AHNAK: variants seen among roughly 807,000 people sequenced by gnomAD.
The protein encoded by AHNAK is neuroblast differentiation-associated protein AHNAK.
Under a neutral mutation model 37.8 loss-of-function variants are expected in AHNAK, and 23 were observed. The ratio of observed to expected loss-of-function variants is 0.61; its 90% CI spans 0.44 to 0.86. AHNAK has a LOEUF of 0.86. Among genes scored for constraint, AHNAK ranks in the 40% least tolerant of loss-of-function variants. The probability of loss-of-function intolerance (pLI) is 0.00; values close to 1 mark genes in which losing one functional copy is unlikely to be tolerated. For synonymous variants in AHNAK, 2,481 were observed against 2,636.3 expected (o/e 0.94, Z 1.80); for missense variants, 7,411 against 7,319.4 (o/e 1.01, Z -0.46).
chr11:62,497,879 G>A (rs1026629113), intron 4 of AHNAK, among the ~76,000 whole-genome samples: 2 of 151,838 alleles, frequency 1.3e-5, no homozygotes, highest in Admixed American at 6.6e-5. Flanking sequence ...CAGGAGAATC[G>A]CTTGAACCTG....
At chr11:62,473,467 G>A (rs1163140104) in intron 5 of AHNAK, among the ~76,000 whole-genome samples, 1 of 151,606 alleles carries the variant, frequency 6.6e-6, no homozygotes, top group South Asian at 2.1e-4. Flanking sequence ...AGGCCAAGGC[G>A]GGTGGACCAC....
At chr11:62,447,758 G>A (rs577468795) in intron 5 of AHNAK, among the ~76,000 whole-genome samples, 2 of 137,578 alleles carry the variant, frequency 1.5e-5, no homozygotes, top group South Asian at 4.5e-4. Flanking sequence ...CTCTGCCCCC[G>A]TGGACCTCTG....
In AHNAK at chr11:62,528,416, G is replaced by A. The variant is rs1259986948; in HGVS notation, c.6001C>T (p.Pro2001Ser). 1.2e-6 allele frequency: 2 copies of A among 1,613,242 alleles called. No individual in the cohort carries two copies. The highest frequency in any genetic ancestry group is 1.7e-6 in the Non-Finnish European group (2 of 1,179,858). ...MPDVDLHLKGPKVKGDMDVSV... is the reference protein window; with the variant it reads ...MPDVDLHLKGSKVKGDMDVSV... ...ACATCCATATCCCCTTTGACTTTGGGGCCTTTCAGGTGTAAGTCCACATCA... is the reference window on the plus strand; with the variant it reads ...ACATCCATATCCCCTTTGACTTTGGAGCCTTTCAGGTGTAAGTCCACATCA... Residue 2001 changes from proline to serine, a missense_variant, in exon 5 of 5, where the codon CCC (proline) becomes TCC (serine). Coordinates refer to ENST00000378024, the MANE Select transcript of AHNAK (RefSeq NM_001620.3).
intron 5 of AHNAK, among the ~76,000 whole-genome samples, chr11:62,463,729 T>TTGGG (rs1938841627): frequency 6.6e-6 from 1 of 151,856 alleles, no homozygotes; most frequent in African/African-American, 2.4e-5. Context: ...TTTTGTTTGT[T>TTGGG]TGGTTGGTTG....
intron 5 of AHNAK, among the ~76,000 whole-genome samples, chr11:62,464,249 A>T (rs1938857053): frequency 6.8e-6 from 1 of 146,728 alleles, no homozygotes; most frequent in Non-Finnish European, 1.5e-5. Flanking sequence ...GTAGAGACAG[A>T]CTCTTACTAT....
At chr11:62,502,463 C>A (rs774564482) in intron 4 of AHNAK, among the ~76,000 whole-genome samples, 1 of 152,240 alleles carries the variant, frequency 6.6e-6, no homozygotes, top group Admixed American at 6.5e-5. Flanking sequence ...GAGCACCAGT[C>A]GCTGAGGGGA....
At position 62,526,646 on chromosome 11, in the gene AHNAK, G is replaced by A. The variant is rs1283176231; in HGVS notation, c.7771C>T (p.Pro2591Ser). Residue 2591 changes from proline (P) to serine (S), a missense_variant, in exon 5 of 5, where the codon CCC becomes TCC. Physicochemically the swap from Pro to Ser is moderately conservative, Grantham distance 74. Coordinates refer to ENST00000378024, the MANE Select transcript of AHNAK (RefSeq NM_001620.3). ...ACATCCACATCGCCCTTCACCTTGG[G>A]ACCTTTCAGATGCAAATCAAAGTCA... ...MPDFDLHLKG[P>S]KVKGDVDVSL... 2 of 1,612,342 alleles carry A rather than the reference G, an allele frequency of 1.2e-6. No homozygotes were observed. The highest frequency in any genetic ancestry group is 2.2e-5 in the East Asian group (1 of 44,766).
At chr11:62,488,166 G>GAATTACAT (rs879622332) in intron 5 of AHNAK, among the ~76,000 whole-genome samples, 17 of 152,188 alleles carry the variant, frequency 1.1e-4, no homozygotes, top group Admixed American at 3.3e-4. Flanking sequence ...AACGTTCATT[G>GAATTACAT]AATGAACAGA....
In AHNAK at chr11:62,526,213, T is replaced by C; in HGVS notation, c.8204A>G (p.Asp2735Gly). 2 of 1,614,006 alleles carry C rather than the reference T, an allele frequency of 1.2e-6. No individual in the cohort carries two copies. Among genetic ancestry groups the C allele is most frequent in the Non-Finnish European group, 1.7e-6 (2 of 1,180,002 alleles). The change falls in exon 5 of 5, where the codon GAC (aspartate) becomes GGC (glycine). Residue 2735 changes from aspartate (D) to glycine (G), a missense_variant. Asp to Gly is a moderately conservative substitution (Grantham distance 94). Coordinates refer to ENST00000378024, the MANE Select transcript of AHNAK (RefSeq NM_001620.3). Reference protein sequence around the residue: ...VDVSLPKVEGDLKGPEVDIKG... With the variant: ...VDVSLPKVEGGLKGPEVDIKG... Reference sequence around the variant, plus strand: ...GATGTCAACTTCTGGGCCCTTGAGGTCACCTTCCACTTTAGGAAGGGAAAC... The same window carrying C: ...GATGTCAACTTCTGGGCCCTTGAGGCCACCTTCCACTTTAGGAAGGGAAAC...
In AHNAK at chr11:62,517,768, A is replaced by G; in HGVS notation, c.16649T>C (p.Met5550Thr). Residue 5550 changes from methionine to threonine, a missense_variant, in exon 5 of 5, where the codon ATG (methionine) becomes ACG (threonine). Transcript: ENST00000378024. Reference protein sequence around the residue: ...DISVKGPAFNMASPESDFGIN... With the variant: ...DISVKGPAFNTASPESDFGIN... ...GCCAAAATCTGACTCAGGAGATGCCATATTAAAGGCAGGCCCCTTCACACT... is the reference window on the plus strand; with the variant it reads ...GCCAAAATCTGACTCAGGAGATGCCGTATTAAAGGCAGGCCCCTTCACACT... The G allele has an allele frequency of 6.8e-6, 11 of 1,614,198 alleles. No homozygotes were observed. The highest frequency in any genetic ancestry group is 9.3e-6 in the Non-Finnish European group (11 of 1,180,024).
At chr11:62,468,791 AAAAC>A (rs1371167065) in intron 5 of AHNAK, among the ~76,000 whole-genome samples, 1 of 152,186 alleles carries the variant, frequency 6.6e-6, no homozygotes, top group African/African-American at 2.4e-5. Context: ...TCTCTAGCTT[AAAAC>A]AAACAAAAAA....
chr11:62,523,011 C>A lies in AHNAK; in HGVS notation c.11406G>T (p.Leu3802=). 1 of 1,613,992 alleles carries A rather than the reference C, an allele frequency of 6.2e-7. No individual in the cohort carries two copies. The highest frequency in any genetic ancestry group is 8.5e-7 in the Non-Finnish European group (1 of 1,179,984). ...DVDVQGPDWH[L]KMPKVKMPKF... is the part of the protein sequence containing the mutation. Reference sequence around the variant, plus strand: ...TGGGCATTTTCACCTTGGGCATCTTCAGGTGCCAGTCTGGGCCTTGAACAT... The same window carrying A: ...TGGGCATTTTCACCTTGGGCATCTTAAGGTGCCAGTCTGGGCCTTGAACAT... Residue 3802 remains leucine (L), a synonymous_variant, in exon 5 of 5, where the codon CTG becomes CTT. Transcript: ENST00000378024.
At chr11:62,503,261 A>G (rs1161327099) in intron 4 of AHNAK, among the ~76,000 whole-genome samples, 6 of 152,232 alleles carry the variant, frequency 3.9e-5, no homozygotes, top group African/African-American at 1.4e-4. Flanking sequence ...GCGGACACAC[A>G]GGATCTGACC....
At chr11:62,492,996 G>GTTTTC (rs1289526665) in intron 4 of AHNAK, among the ~76,000 whole-genome samples, 12 of 138,260 alleles carry the variant, frequency 8.7e-5, no homozygotes, top group Admixed American at 4.1e-4. Flanking sequence ...TCTTTCTACT[G>GTTTTC]TTTTCTTTTC....
chr11:62,443,922 C>T (rs1317559378), intron 5 of AHNAK, among the ~76,000 whole-genome samples: 1 of 152,226 alleles, frequency 6.6e-6, no homozygotes, highest in Admixed American at 6.5e-5. Flanking sequence ...CCTTATGAGG[C>T]ACCAGCAGTA....
chr11:62,519,394 T>C lies in AHNAK; in HGVS notation c.15023A>G (p.Glu5008Gly). 6.2e-7 allele frequency: 1 copy of C among 1,613,826 alleles called. No homozygotes were observed. Among genetic ancestry groups the C allele is most frequent in the Non-Finnish European group, 8.5e-7 (1 of 1,179,878 alleles). The change falls in exon 5 of 5, where the codon GAG becomes GGG. Residue 5008 changes from glutamate to glycine, a missense_variant. Transcript: ENST00000378024. ...VTVPEAELNL[E>G]TPEISVGGKG... ...GCCACCAACACTAATTTCAGGAGTC[T>C]CAAGGTTCAGCTCTGCCTCAGGAAC...
Position 62,536,084 on chromosome 11 carries a change from C to G in AHNAK, c.15G>C (p.Glu5Asp), listed in dbSNP as rs1292549113. MEKE[E>D]TTRELLLPNW... ...TGGGCAGCAGCAGCTCCCGGGTTGT[C>G]TCCTCCTTCTCCATCTGGAATGAGG... The change falls in exon 3 of 5, where the codon GAG becomes GAC. Residue 5 changes from glutamate (E) to aspartate (D), a missense_variant. Transcript: ENST00000378024. The G allele has an allele frequency of 6.4e-7, 1 of 1,561,358 alleles. No individual in the cohort carries two copies. Among genetic ancestry groups the G allele is most frequent in the Admixed American group, 1.8e-5 (1 of 56,244 alleles).
Position 62,535,051 on chromosome 11 carries a change from C to A in AHNAK, c.294G>T (p.Gln98His). Reference sequence around the variant, plus strand: ...AGCTGAAGACTTCACGGGTCCAGGTCTGGCCAGGCTCGGGAGAGCGGTCCC... The same window carrying A: ...AGCTGAAGACTTCACGGGTCCAGGTATGGCCAGGCTCGGGAGAGCGGTCCC... ...RKGDRSPEPG[Q>H]TWTREVFSSC... is the part of the protein sequence containing the mutation. Residue 98 changes from glutamine (Q) to histidine (H), a missense_variant, in exon 4 of 5, where the codon CAG becomes CAT. Gln to His is a conservative substitution (Grantham distance 24, BLOSUM62 0). Coordinates refer to ENST00000378024, the MANE Select transcript of AHNAK (RefSeq NM_001620.3). 6.2e-7 allele frequency: 1 copy of A among 1,613,792 alleles called. No homozygotes were observed. The highest frequency in any genetic ancestry group is 1.1e-5 in the South Asian group (1 of 91,066).
intron 5 of AHNAK, among the ~76,000 whole-genome samples, chr11:62,475,602 CTT>C (rs55773953): frequency 2.5e-5 from 3 of 118,040 alleles, no homozygotes; most frequent in East Asian, 3.1e-4. Context: ...TTATGTTATA[CTT>C]TTTTTTTTTT....
Sources: gnomAD v4.1 joint callset for allele counts (sites outside exome capture counted in the v4.1 genomes callset) on GRCh38, gnomAD v4.1.1 for gene constraint, MANE v1.5 for transcripts, NCBI Gene and HGNC (gene_info 2026-07-23, HGNC 2026-07-21) for gene names.